Variants in MAGI1 observed in about 807,000 individuals in gnomAD.
The protein encoded by MAGI1 is membrane associated guanylate kinase, WW and PDZ domain containing 1, also known as membrane-associated guanylate kinase, WW and PDZ domain-containing protein 1.
MAGI1 carries 58 observed loss-of-function variants against 139.9 expected under a neutral mutation model. That is an observed-to-expected ratio of 0.41 (90% CI 0.34 to 0.52). The LOEUF is 0.52. Ranked by LOEUF, MAGI1 falls within the 20% of genes least tolerant of loss-of-function variation. The pLI is 0.12. For missense variants in MAGI1, 1,874 were observed against 1,901.6 expected, an observed-to-expected ratio of 0.99 and a Z score of 0.27; for synonymous variants, 812 against 737.9, an observed-to-expected ratio of 1.10 and a Z score of -1.63.
At chr3:65,788,313 T>C (rs1020985063) in intron 1 of MAGI1, among the ~76,000 whole-genome samples, 1 of 152,226 alleles carries the variant, frequency 6.6e-6, no homozygotes, top group Non-Finnish European at 1.5e-5. Flanking sequence ...ATAATTTTTA[T>C]TTAAAGGAGA....
intron 1 of MAGI1, among the ~76,000 whole-genome samples, chr3:65,629,146 G>A (rs2084145304): frequency 6.6e-6 from 1 of 152,046 alleles, no homozygotes; most frequent in Non-Finnish European, 1.5e-5. Context: ...GACCCTGCTT[G>A]GACTGATCTC....
chr3:65,797,086 T>G (rs1000539575), intron 1 of MAGI1, among the ~76,000 whole-genome samples: 6 of 152,220 alleles, frequency 3.9e-5, no homozygotes, highest in Non-Finnish European at 7.3e-5. Context: ...GATTATCTAT[T>G]AAACATGAAG....
intron 1 of MAGI1, among the ~76,000 whole-genome samples, chr3:65,983,392 C>T (rs1026044909): frequency 2.0e-5 from 3 of 152,070 alleles, no homozygotes; most frequent in Admixed American, 1.3e-4. Flanking sequence ...TGAGACTCTC[C>T]GAGGCCTCTC....
At chr3:65,384,608 C>T (rs531703421) in intron 14 of MAGI1, among the ~76,000 whole-genome samples, 83 of 152,118 alleles carry the variant, frequency 5.5e-4, no homozygotes, top group Non-Finnish European at 8.4e-4. Context: ...GTGGTGTGTG[C>T]CTGTACTCCT....
chr3:65,391,508 T>G, intron 13 of MAGI1, 150 bp from the exon 14 acceptor site: 1 of 645,176 alleles, frequency 1.5e-6, no homozygotes, highest in Non-Finnish European at 2.7e-6. Flanking sequence ...CAGCTAATGC[T>G]GAATGTAGAT....
At chr3:65,442,627 AT>A (rs1287720371) in intron 8 of MAGI1, among the ~76,000 whole-genome samples, 164 bp downstream of exon 8, 5 of 152,192 alleles carry the variant, frequency 3.3e-5, no homozygotes, top group Admixed American at 6.5e-5. Flanking sequence ...TTTCAGATTT[AT>A]TGAATATTTT....
At chr3:65,496,094 T>C (rs1043074812) in intron 2 of MAGI1, among the ~76,000 whole-genome samples, 1 of 152,102 alleles carries the variant, frequency 6.6e-6, no homozygotes, top group African/African-American at 2.4e-5. Context: ...CAGGCTGGAG[T>C]GCACTGGAGG....
chr3:65,956,136 G>C (rs983136433), intron 1 of MAGI1, among the ~76,000 whole-genome samples: 1 of 152,042 alleles, frequency 6.6e-6, no homozygotes, highest in African/African-American at 2.4e-5. Flanking sequence ...AAATAACTTT[G>C]TTTCCCCTAA....
intron 1 of MAGI1, among the ~76,000 whole-genome samples, chr3:65,984,511 A>AGTGTGT (rs1302552327): frequency 1.1e-5 from 1 of 94,686 alleles, no homozygotes; most frequent in African/African-American, 4.0e-5. Context: ...TTCAAAATAA[A>AGTGTGT]ATGTGTGTGT....
intron 1 of MAGI1, among the ~76,000 whole-genome samples, chr3:65,651,408 A>T (rs1374183969): frequency 6.6e-6 from 1 of 152,182 alleles, no homozygotes; most frequent in Non-Finnish European, 1.5e-5. Context: ...TGCAAGTCCA[A>T]ATCTTTGGGT....
chr3:65,661,825 G>C (rs902562197), intron 1 of MAGI1, among the ~76,000 whole-genome samples: 1 of 129,862 alleles, frequency 7.7e-6, no homozygotes, highest in Non-Finnish European at 1.5e-5. Flanking sequence ...ATGGCTCACT[G>C]CAAGCTCTGC....
At chr3:65,967,268 G>A (rs970404489) in intron 1 of MAGI1, among the ~76,000 whole-genome samples, 26 of 152,150 alleles carry the variant, frequency 1.7e-4, no homozygotes, top group African/African-American at 4.8e-5. Flanking sequence ...TCTAAGTAGC[G>A]GGCATACAGG....
At chr3:65,886,535 G>A (rs767949751) in intron 1 of MAGI1, among the ~76,000 whole-genome samples, 4 of 152,106 alleles carry the variant, frequency 2.6e-5, no homozygotes, top group Admixed American at 6.5e-5. Flanking sequence ...ATGGCCACAC[G>A]AGCAAGGTCT....
intron 2 of MAGI1, among the ~76,000 whole-genome samples, chr3:65,592,055 C>T (rs2081991784): frequency 6.6e-6 from 1 of 152,170 alleles, no homozygotes; most frequent in African/African-American, 2.4e-5. Context: ...CTGACTAGAA[C>T]ATAAACCCTA....
chr3:65,493,426 C>A, intron 3 of MAGI1, 86 bp downstream of exon 3: 1 of 1,554,494 alleles, frequency 6.4e-7, no homozygotes, highest in Non-Finnish European at 8.8e-7. Flanking sequence ...CCTCCAGATT[C>A]CACAAAACAT....
At chr3:65,604,672 T>C (rs184427096) in intron 2 of MAGI1, among the ~76,000 whole-genome samples, 201 of 152,196 alleles carry the variant, frequency 1.3e-3, no homozygotes, top group Non-Finnish European at 2.4e-3. Flanking sequence ...TGAAATGCTA[T>C]TTTCCTACTG....
At chr3:65,846,016 T>G (rs767872687) in intron 1 of MAGI1, among the ~76,000 whole-genome samples, 22 of 152,176 alleles carry the variant, frequency 1.4e-4, no homozygotes, top group Non-Finnish European at 1.2e-4. Context: ...AATTTGGGAA[T>G]AAAAGCCTCA....
intron 2 of MAGI1, among the ~76,000 whole-genome samples, chr3:65,550,594 T>C (rs577618605): frequency 4.6e-5 from 7 of 152,278 alleles, no homozygotes; most frequent in Non-Finnish European, 7.4e-5. Context: ...GCAATAGTGA[T>C]GGGAAACAAT....
intron 1 of MAGI1, among the ~76,000 whole-genome samples, chr3:65,952,085 C>T (rs576023052): frequency 6.6e-6 from 1 of 152,282 alleles, no homozygotes; most frequent in East Asian, 1.9e-4. Context: ...AGGAAATGCT[C>T]AAATTCAGTT....
Sources: gnomAD v4.1 joint callset for allele counts (sites outside exome capture counted in the v4.1 genomes callset) on GRCh38, gnomAD v4.1.1 for gene constraint, MANE v1.5 for transcripts, NCBI Gene and HGNC (gene_info 2026-07-23, HGNC 2026-07-21) for gene names.